The following PRKN variants were observed in gnomAD, a reference collection of about 807,000 sequenced individuals.
PRKN encodes E3 ubiquitin-protein ligase parkin.
A neutral mutation model predicts 59.5 loss-of-function variants in PRKN; 56 were observed. The observed-to-expected ratio is 0.94, with a 90% CI of 0.76 to 1.18. The LOEUF (loss-of-function observed/expected upper bound fraction) is 1.18. Ranked by LOEUF, PRKN falls within the 50% of genes most tolerant of loss-of-function variation. PRKN has a pLI of 0.00. For synonymous variants in PRKN, 250 were observed against 222.1 expected, an observed-to-expected ratio of 1.13 and a Z score of -1.12; for missense variants, 657 against 596.4, an observed-to-expected ratio of 1.10 and a Z score of -1.06.
In PRKN at chr6:161,431,338, C is replaced by G. The variant is rs1188075499; in HGVS notation, c.1084-44461G>C. ...CAAACATAACAAATGTTTTTAGGAA[C>G]TACGAAATTTTTAAATTTAATACTA... On this transcript the variant is annotated intron_variant, in intron 9 of 11. Coordinates refer to ENST00000366898, the MANE Select transcript of PRKN (RefSeq NM_004562.3). Among the ~76,000 whole-genome samples the G allele has an allele frequency of 2.0e-5, 3 of 151,728 alleles. No homozygotes were observed. The East Asian group carries it at 5.8e-4, about 29-fold the overall frequency.
intron 1 of PRKN, among the ~76,000 whole-genome samples, chr6:162,547,598 G>A (rs537387955): frequency 1.8e-4 from 28 of 152,046 alleles, no homozygotes; most frequent in Admixed American, 9.2e-4. Context: ...ATTATTTTTT[G>A]AGAAGGAGTT....
chr6:162,496,096 G>C (rs185623716), intron 1 of PRKN, among the ~76,000 whole-genome samples: 45 of 152,168 alleles, frequency 3.0e-4, no homozygotes, highest in Admixed American at 2.9e-3. Context: ...AAATAGTCAG[G>C]CATGGTGGCG....
chr6:162,372,697 C>G lies in PRKN; in HGVS notation c.171+70613G>C, dbSNP rs912147643. Among the ~76,000 whole-genome samples the G allele has an allele frequency of 2.6e-5, 4 of 151,896 alleles. 1 individual carries two copies. In the South Asian group the frequency reaches 8.3e-4, roughly 32 times the overall value. ...ATCCAGCAAACCTACACAGGTACCA[C>G]CTGAATGTAAAATAAAAGTTGAAAT... is the stretch of plus-strand genomic sequence containing the variant. On this transcript the variant is annotated intron_variant, in intron 2 of 11. Transcript: ENST00000366898.
chr6:162,124,091 C>T (rs937049107), intron 4 of PRKN, among the ~76,000 whole-genome samples: 19 of 152,200 alleles, frequency 1.2e-4, no homozygotes, highest in African/African-American at 4.6e-4. Flanking sequence ...TGTTTCCAGC[C>T]TCTAGTTAGT....
intron 4 of PRKN, among the ~76,000 whole-genome samples, chr6:162,127,928 T>C (rs1781185663): frequency 6.6e-6 from 1 of 152,174 alleles, no homozygotes; most frequent in African/African-American, 2.4e-5. Context: ...TCTGTACTCC[T>C]CACCTCTTCA....
chr6:161,779,690 A>G (rs1790122409), intron 7 of PRKN, among the ~76,000 whole-genome samples: 1 of 151,182 alleles, frequency 6.6e-6, no homozygotes, highest in Non-Finnish European at 1.5e-5. Context: ...TGATCTGCCT[A>G]CCTCGTCCTA....
Position 162,395,510 on chromosome 6 carries a change from A to T in PRKN, c.171+47800T>A, listed in dbSNP as rs557851274. The stretch of plus-strand genomic sequence containing the variant: ...GATGAATGTAGCTCACTGACATCTA[A>T]CTGCCATTGCATGAGATACCCAAAT... On this transcript the variant is annotated intron_variant, in intron 2 of 11. Coordinates refer to ENST00000366898, the MANE Select transcript of PRKN (RefSeq NM_004562.3). Among the ~76,000 whole-genome samples, 5 of 152,296 alleles carry T rather than the reference A, an allele frequency of 3.3e-5. No individual in the cohort carries two copies. The East Asian group carries it at 9.7e-4, about 29-fold the overall frequency.
intron 1 of PRKN, among the ~76,000 whole-genome samples, chr6:162,483,199 C>T (rs543167860): frequency 7.2e-5 from 11 of 152,224 alleles, no homozygotes; most frequent in Non-Finnish European, 1.2e-4. Context: ...TCACGATATT[C>T]GAGTCTGGGT....
At position 162,195,127 on chromosome 6, in the gene PRKN, G is replaced by A. The variant is rs577407077; in HGVS notation, c.534+6004C>T. Among the ~76,000 whole-genome samples, 97 of 152,314 alleles carry A rather than the reference G, an allele frequency of 6.4e-4. 2 individuals carry two copies. In the South Asian group the frequency reaches 0.012, roughly 20 times the overall value. The stretch of plus-strand genomic sequence containing the variant: ...CGCTGTAGATTTAACACTGTAACGC[G>A]ATGCAAAACAGAATGCATGGTGGCC... On this transcript the variant is annotated intron_variant, in intron 4 of 11. Transcript: ENST00000366898.
intron 2 of PRKN, among the ~76,000 whole-genome samples, chr6:162,298,704 A>T (rs1419751615): frequency 6.7e-6 from 1 of 150,214 alleles, no homozygotes; most frequent in Non-Finnish European, 1.5e-5. Flanking sequence ...TGATGAAAGC[A>T]GCAATCTTGG....
rs572466927 is a variant in PRKN at position 161,376,270 on chromosome 6, C to T, written c.1167+10524G>A. Reference sequence around the variant, plus strand: ...GAGATTGTCAGTCTTGCATCTTGATCGCTGGCTCCAGCCTGGATTCTCCTC... The same window carrying T: ...GAGATTGTCAGTCTTGCATCTTGATTGCTGGCTCCAGCCTGGATTCTCCTC... On this transcript the variant is annotated intron_variant, in intron 10 of 11. Coordinates refer to ENST00000366898, the MANE Select transcript of PRKN (RefSeq NM_004562.3). This position sits in a 1 kb window ranked among gnomAD's most constrained non-coding sequence, Gnocchi z 7.3. Among the ~76,000 whole-genome samples, 4 of 152,078 alleles carry T rather than the reference C, an allele frequency of 2.6e-5. No individual in the cohort carries two copies. The highest frequency in any genetic ancestry group is 7.2e-5 in the African/African-American group (3 of 41,402).
rs71004091 is a variant in PRKN, at chr6:162,445,689, TAAAAAAAAAAAAAAAAAAAA to T, written c.8-2236_8-2217del. 9.4e-4 allele frequency among the ~76,000 whole-genome samples: 27 copies of T among 28,750 alleles called. No individual in the cohort carries two copies. In the East Asian group the frequency reaches 0.014, roughly 14 times the overall value. 18.9% of individuals were successfully genotyped at this position (28,750 alleles called of 152,430 possible). A position where few individuals can be genotyped will look rare whatever the true frequency, so the allele number is the denominator to read the frequency against. On this transcript the variant is annotated intron_variant, in intron 1 of 11. Coordinates refer to ENST00000366898, the MANE Select transcript of PRKN (RefSeq NM_004562.3). ...CACCCTGGGTGACAGAGACCTTGTCTAAAAAAAAAAAAAAAAAAAAAAAAAAAAAAAAAAAAAAGTCCACA... is the reference window on the plus strand; with the variant it reads ...CACCCTGGGTGACAGAGACCTTGTCTAAAAAAAAAAAAAAAAAAGTCCACA...
chr6:162,545,806 A>G (rs1474299720), intron 1 of PRKN, among the ~76,000 whole-genome samples: 1 of 152,184 alleles, frequency 6.6e-6, no homozygotes, highest in Non-Finnish European at 1.5e-5. Context: ...AGAGAAAATA[A>G]GTCTAAAAAT....
chr6:161,797,891 C>T (rs1311217695), intron 6 of PRKN, among the ~76,000 whole-genome samples: 1 of 152,126 alleles, frequency 6.6e-6, no homozygotes, highest in Non-Finnish European at 1.5e-5. Context: ...ATCAATATGG[C>T]ATAACAATAC....
chr6:161,448,165 C>T lies in PRKN; in HGVS notation c.1084-61288G>A, dbSNP rs1044519705. On this transcript the variant is annotated intron_variant, in intron 9 of 11. Coordinates refer to ENST00000366898, the MANE Select transcript of PRKN (RefSeq NM_004562.3). This position sits in a 1 kb window ranked among gnomAD's most constrained non-coding sequence, Gnocchi z 5.1. Reference sequence around the variant, plus strand: ...CACCGTGATTCTGTTCAGCGCCTCCCTTTTGCCTCCATAAAAGATCTTCAC... The same window carrying T: ...CACCGTGATTCTGTTCAGCGCCTCCTTTTTGCCTCCATAAAAGATCTTCAC... 1.9e-4 allele frequency among the ~76,000 whole-genome samples: 29 copies of T among 152,286 alleles called. No homozygotes were observed. Among genetic ancestry groups the T allele is most frequent in the African/African-American group, 6.7e-4 (28 of 41,552 alleles).
intron 2 of PRKN, among the ~76,000 whole-genome samples, chr6:162,311,668 G>C (rs563866462): frequency 9.0e-4 from 137 of 151,758 alleles, no homozygotes; most frequent in Admixed American, 1.8e-3. Context: ...ATTTTTAGTA[G>C]AGACAGGGTT....
At chr6:162,119,935 A>G (rs1003361182) in intron 4 of PRKN, among the ~76,000 whole-genome samples, 4 of 152,214 alleles carry the variant, frequency 2.6e-5, no homozygotes, top group African/African-American at 9.6e-5. Context: ...TCTGCAACTC[A>G]GCCCTATGAC....
chr6:161,438,280 T>G (rs1789022971), intron 9 of PRKN, among the ~76,000 whole-genome samples: 1 of 143,166 alleles, frequency 7.0e-6, no homozygotes, highest in Non-Finnish European at 1.5e-5. Flanking sequence ...TGCAATGGCG[T>G]GATCTCGACT....
rs780479496 is a variant in PRKN, at chr6:161,787,314, C to T, written c.735-1406G>A. 2.6e-5 allele frequency among the ~76,000 whole-genome samples: 4 copies of T among 152,138 alleles called. No individual in the cohort carries two copies. The East Asian group carries it at 7.7e-4, about 29-fold the overall frequency. On this transcript the variant is annotated intron_variant, in intron 6 of 11. Transcript: ENST00000366898. ...TTAATGCCATGGATGTGTAAGTAAT[C>T]GGTCAACTTAATCTGAGCAAGGGCG...
Sources: allele counts gnomAD v4.1 joint callset (sites outside exome capture counted in the v4.1 genomes callset), GRCh38; gene constraint gnomAD v4.1.1; non-coding constraint Gnocchi (gnomAD v3.1); transcripts MANE v1.5; gene names NCBI Gene and HGNC (gene_info 2026-07-23, HGNC 2026-07-21).